The following ST6GALNAC5 variants were observed in gnomAD, a reference collection of about 807,000 sequenced individuals.
The protein encoded by ST6GALNAC5 is alpha-N-acetylgalactosaminide alpha-2,6-sialyltransferase 5.
In ST6GALNAC5, 27 loss-of-function variants were observed where a neutral mutation model predicts 33.6. The observed-to-expected ratio is 0.80, with a 90% CI of 0.59 to 1.11. ST6GALNAC5 has a LOEUF of 1.11. ST6GALNAC5 is among the 50% of genes least tolerant of loss of function. ST6GALNAC5 has a pLI of 0.00. For synonymous variants in ST6GALNAC5, 194 were observed against 171.2 expected, an observed-to-expected ratio of 1.13 and a Z score of -1.04; for missense variants, 428 against 454.0, an observed-to-expected ratio of 0.94 and a Z score of 0.52.
intron 2 of ST6GALNAC5, among the ~76,000 whole-genome samples, chr1:77,043,154 G>GA (rs952643906): frequency 2.6e-5 from 4 of 152,158 alleles, no homozygotes; most frequent in Admixed American, 6.5e-5. Context: ...ATAGACTCTG[G>GA]AAAAAATCTA....
chr1:77,044,711 T>G, intron 3 of ST6GALNAC5, 98 bp downstream of exon 3: 2 of 1,396,106 alleles, frequency 1.4e-6, no homozygotes, highest in Non-Finnish European at 1.9e-6. Flanking sequence ...GCTTTTGTTG[T>G]GGGCTCCACT....
chr1:77,044,349 G>A lies in ST6GALNAC5; in HGVS notation c.407G>A (p.Gly136Asp). The part of the protein sequence containing the change: ...APTRGYGRDV[G>D]NRTSLRVIAH... ...ACACGCGGCTATGGGCGTGACGTGG[G>A]CAATCGCACCAGCCTGAGGGTCATC... is the stretch of plus-strand genomic sequence containing the variant. The change falls in exon 3 of 5, where the codon GGC becomes GAC. Residue 136 changes from glycine to aspartate, a missense_variant. Physicochemically the swap from Gly to Asp is moderately conservative, Grantham distance 94. Coordinates refer to ENST00000477717, the MANE Select transcript of ST6GALNAC5 (RefSeq NM_030965.3). The A allele has an allele frequency of 1.9e-6, 3 of 1,613,990 alleles. No homozygotes were observed. Among genetic ancestry groups the A allele is most frequent in the Non-Finnish European group, 1.7e-6 (2 of 1,180,034 alleles).
At chr1:77,022,584 G>A (rs973948391) in intron 2 of ST6GALNAC5, among the ~76,000 whole-genome samples, 1 of 152,144 alleles carries the variant, frequency 6.6e-6, no homozygotes, top group Non-Finnish European at 1.5e-5. Context: ...GGATGCTGTG[G>A]TCTCTTATAC....
At chr1:76,964,352 G>C (rs1028928389) in intron 2 of ST6GALNAC5, among the ~76,000 whole-genome samples, 1 of 152,062 alleles carries the variant, frequency 6.6e-6, no homozygotes, top group Admixed American at 6.6e-5. Flanking sequence ...AAAAATACCA[G>C]GTCAGTGATA....
At chr1:77,029,572 G>A (rs1218429287) in intron 2 of ST6GALNAC5, among the ~76,000 whole-genome samples, 4 of 152,174 alleles carry the variant, frequency 2.6e-5, no homozygotes, top group Non-Finnish European at 4.4e-5. Flanking sequence ...TAGAGGCATG[G>A]GGACTAGAAA....
chr1:77,027,455 C>A (rs1651289634), intron 2 of ST6GALNAC5, among the ~76,000 whole-genome samples: 1 of 152,126 alleles, frequency 6.6e-6, no homozygotes. Flanking sequence ...CAAGGCAAGG[C>A]GACTGCAATC....
intron 2 of ST6GALNAC5, among the ~76,000 whole-genome samples, chr1:77,011,014 C>A (rs1166260781): frequency 1.6e-4 from 24 of 152,302 alleles, no homozygotes; most frequent in Non-Finnish European, 3.2e-4. Context: ...AACCGTTGAT[C>A]CTTTTCCTTG....
intron 2 of ST6GALNAC5, among the ~76,000 whole-genome samples, chr1:76,947,412 A>G (rs995318405): frequency 6.6e-5 from 10 of 152,122 alleles, no homozygotes; most frequent in African/African-American, 2.4e-4. Context: ...TATACACTAC[A>G]ACAACAACAA....
At chr1:77,056,649 C>T (rs918439013) in intron 4 of ST6GALNAC5, among the ~76,000 whole-genome samples, 1 of 152,160 alleles carries the variant, frequency 6.6e-6, no homozygotes, top group Non-Finnish European at 1.5e-5. Flanking sequence ...CGGGTAGAAT[C>T]GGAAGCTTAC....
At chr1:76,926,768 G>A (rs780941002) in intron 2 of ST6GALNAC5, among the ~76,000 whole-genome samples, 2 of 152,074 alleles carry the variant, frequency 1.3e-5, no homozygotes, top group Non-Finnish European at 2.9e-5. Flanking sequence ...TTGTGAGGAC[G>A]TATGCTGTCA....
intron 2 of ST6GALNAC5, among the ~76,000 whole-genome samples, chr1:77,035,292 A>C (rs1557769202): frequency 6.6e-6 from 1 of 152,148 alleles, no homozygotes; most frequent in African/African-American, 2.4e-5. Context: ...GATGAAGTGA[A>C]TTTTCTAACC....
intron 2 of ST6GALNAC5, among the ~76,000 whole-genome samples, chr1:76,965,116 T>G (rs553944995): frequency 1.3e-5 from 2 of 152,300 alleles, no homozygotes; most frequent in African/African-American, 4.8e-5. Flanking sequence ...CCTTTGGGTA[T>G]ATACCCAGTA....
At chr1:77,046,814 G>A (rs1652028955) in intron 3 of ST6GALNAC5, among the ~76,000 whole-genome samples, 1 of 152,128 alleles carries the variant, frequency 6.6e-6, no homozygotes, top group Non-Finnish European at 1.5e-5. Context: ...TGCTAAATAA[G>A]TATTCCTAAA....
At chr1:77,002,035 C>A (rs1436738672) in intron 2 of ST6GALNAC5, among the ~76,000 whole-genome samples, 5 of 152,096 alleles carry the variant, frequency 3.3e-5, no homozygotes, top group African/African-American at 1.2e-4. Context: ...CCCTCTTTTT[C>A]TATTGATTGG....
Position 76,867,515 on chromosome 1 carries a change from C to A in ST6GALNAC5, c.-161C>A. 1 of 1,049,336 alleles carries A rather than the reference C, an allele frequency of 9.5e-7. No individual in the cohort carries two copies. Among genetic ancestry groups the A allele is most frequent in the Non-Finnish European group, 1.5e-6 (1 of 672,756 alleles). The allele number at this position is 1,049,336 out of a possible 1,614,324, so 65.0% of individuals were successfully genotyped here. Reference sequence around the variant, plus strand: ...CTGTCTCTAATCTCTGCAACAGCCGCGCTTCCCGGGTCCCGCGGCTCCCGC... The same window carrying A: ...CTGTCTCTAATCTCTGCAACAGCCGAGCTTCCCGGGTCCCGCGGCTCCCGC... On this transcript the variant is annotated 5_prime_UTR_variant, in exon 1 of 5. Transcript: ENST00000477717.
At chr1:77,038,919 A>G (rs1471829321) in intron 2 of ST6GALNAC5, among the ~76,000 whole-genome samples, 3 of 152,186 alleles carry the variant, frequency 2.0e-5, no homozygotes, top group African/African-American at 7.2e-5. Flanking sequence ...GGGTGATGGA[A>G]GGAGAAACTC....
chr1:76,941,250 G>A (rs559769153), intron 2 of ST6GALNAC5, among the ~76,000 whole-genome samples: 1 of 152,226 alleles, frequency 6.6e-6, no homozygotes, highest in African/African-American at 2.4e-5. Context: ...CATCAGGCAT[G>A]TAACAGGCGG....
Position 77,050,310 on chromosome 1 carries a change from C to G in ST6GALNAC5, c.724C>G (p.Leu242Val), listed in dbSNP as rs745552684. Residue 242 changes from leucine to valine, a missense_variant, in exon 4 of 5, where the codon CTG becomes GTG. Leu to Val is a conservative substitution (Grantham distance 32, BLOSUM62 1). Transcript: ENST00000477717. ...STGWFTMTIA[L>V]ELCDRINVYG... is the part of the protein sequence containing the mutation. ...TGGCTGGTTTACAATGACAATTGCA[C>G]TGGAGCTCTGTGACAGGATCAATGT... 2.5e-6 allele frequency: 4 copies of G among 1,614,096 alleles called. No homozygotes were observed. The South Asian group carries it at 4.4e-5, about 18-fold the overall frequency.
chr1:76,872,342 C>T (rs991639821), intron 2 of ST6GALNAC5, among the ~76,000 whole-genome samples: 3 of 152,138 alleles, frequency 2.0e-5, no homozygotes, highest in Non-Finnish European at 2.9e-5. Flanking sequence ...CTGCCCTTTA[C>T]TGAAATGGCT....
Sources: allele counts gnomAD v4.1 joint callset (sites outside exome capture counted in the v4.1 genomes callset), GRCh38; gene constraint gnomAD v4.1.1; transcripts MANE v1.5; gene names NCBI Gene and HGNC (gene_info 2026-07-23, HGNC 2026-07-21).